Variants in ANGPT4 observed in about 807,000 individuals in gnomAD.
The protein encoded by ANGPT4 is angiopoietin 4.
ANGPT4 carries 50 observed loss-of-function variants against 53.0 expected under a neutral mutation model. The observed-to-expected ratio is 0.94, with a 90% CI of 0.75 to 1.20. The LOEUF is 1.20. Among genes scored for constraint, ANGPT4 ranks in the 50% most tolerant of loss-of-function variants. The pLI, the probability that ANGPT4 is intolerant of heterozygous loss-of-function variation, is 0.00. For synonymous variants in ANGPT4, 251 were observed against 259.7 expected (o/e 0.97, Z 0.32); for missense variants, 648 against 637.1 (o/e 1.02, Z -0.18).
rs144483842 is a variant in ANGPT4 at position 874,078 on chromosome 20, G to A, written c.1351+206C>T. Among the ~76,000 whole-genome samples, 834 of 152,332 alleles carry A rather than the reference G, an allele frequency of 5.5e-3. 7 individuals carry two copies. Among genetic ancestry groups the A allele is most frequent in the African/African-American group, 0.019 (777 of 41,572 alleles). ...AAACTGGTGGTGCCAGCTTTAGGAG[G>A]AGGTGAGACCTGGAGGGGACTTCAA... is the stretch of plus-strand genomic sequence containing the variant. On this transcript the variant is annotated intron_variant, in intron 8 of 8. Coordinates refer to ENST00000381922, the MANE Select transcript of ANGPT4 (RefSeq NM_015985.4).
chr20:881,929 C>A, intron 4 of ANGPT4, among the ~76,000 whole-genome samples: 1 of 152,152 alleles, frequency 6.6e-6, no homozygotes, highest in Non-Finnish European at 1.5e-5. Context: ...GAGGCACTTC[C>A]CATTTCACAG....
At chr20:875,988 G>C (rs1481091778) in intron 7 of ANGPT4, among the ~76,000 whole-genome samples, 2 of 151,828 alleles carry the variant, frequency 1.3e-5, no homozygotes, top group Non-Finnish European at 2.9e-5. Context: ...AAATTAGCTG[G>C]GCATGGTGGT....
intron 1 of ANGPT4, among the ~76,000 whole-genome samples, chr20:902,871 C>A (rs6055734): frequency 0.074 from 11,225 of 152,100 alleles, 516 homozygotes; most frequent in African/African-American, 0.13. Context: ...CCTTCTGGGG[C>A]CTGGAAGACT....
chr20:913,975 T>A (rs912604366), intron 1 of ANGPT4, among the ~76,000 whole-genome samples: 2 of 152,006 alleles, frequency 1.3e-5, no homozygotes, highest in Non-Finnish European at 1.5e-5. Flanking sequence ...CAGGGAGGTG[T>A]TGGGGGAGAT....
chr20:895,196 T>C (rs1568844317), intron 1 of ANGPT4, among the ~76,000 whole-genome samples: 1 of 152,334 alleles, frequency 6.6e-6, no homozygotes, highest in South Asian at 2.1e-4. Flanking sequence ...CTTGTTTTTT[T>C]GGATCTACTT....
intron 8 of ANGPT4, 77 bp downstream of exon 8, chr20:874,207 G>A: frequency 6.3e-7 from 1 of 1,583,352 alleles, no homozygotes; most frequent in Non-Finnish European, 8.6e-7. Context: ...GGGCGCACAA[G>A]AACCTGGGGA....
intron 1 of ANGPT4, among the ~76,000 whole-genome samples, chr20:899,119 C>T (rs1982174144): frequency 6.6e-6 from 1 of 152,166 alleles, no homozygotes; most frequent in Non-Finnish European, 1.5e-5. Flanking sequence ...TTAATCAATA[C>T]AGAGGCTACC....
rs547990632 is a variant in ANGPT4, at chr20:903,771, G to A, written c.309+12135C>T. Among the ~76,000 whole-genome samples the A allele has an allele frequency of 3.9e-5, 6 of 152,338 alleles. No individual in the cohort carries two copies. The East Asian group carries it at 1.2e-3, about 29-fold the overall frequency. On this transcript the variant is annotated intron_variant, in intron 1 of 8. Coordinates refer to ENST00000381922, the MANE Select transcript of ANGPT4 (RefSeq NM_015985.4). ...AAGCCCCATGGCTGGGGTGGTGCAGGGTGTGGAGATTTGAGCCCGGCCTGA... is the reference window on the plus strand; with the variant it reads ...AAGCCCCATGGCTGGGGTGGTGCAGAGTGTGGAGATTTGAGCCCGGCCTGA...
At chr20:881,063 T>C in intron 5 of ANGPT4, 108 bp downstream of exon 5, 1 of 877,744 alleles carries the variant, frequency 1.1e-6, no homozygotes, top group South Asian at 2.0e-5. Context: ...ACCTCTGGTA[T>C]TTCAGATACT....
In ANGPT4 at chr20:872,911, C is replaced by T; in HGVS notation, c.*49G>A. 2.5e-6 allele frequency: 4 copies of T among 1,606,398 alleles called. No individual in the cohort carries two copies. Among genetic ancestry groups the T allele is most frequent in the Non-Finnish European group, 1.7e-6 (2 of 1,175,782 alleles). ...TCTGGGTCCAGGTTGTCCAGGAGTG[C>T]CAAGTCCGAGCTTCTCCTGTGTGGT... On this transcript the variant is annotated 3_prime_UTR_variant, in exon 9 of 9. Transcript: ENST00000381922.
rs1981572742 is a variant in ANGPT4, at chr20:885,254, T to C, written c.659A>G (p.Lys220Arg). 6.3e-7 allele frequency: 1 copy of C among 1,583,558 alleles called. No homozygotes were observed. The highest frequency in any genetic ancestry group is 8.6e-7 in the Non-Finnish European group (1 of 1,165,010). Reference protein sequence around the residue: ...QEELASILSKKAKLLNTLSRQ... With the variant: ...QEELASILSKRAKLLNTLSRQ... ...GCTCAGCGTGTTCAGCAGCTTCGCC[T>C]TCTTGCTGAGGATGCTGGCCAGCTC... is the stretch of plus-strand genomic sequence containing the variant. Residue 220 changes from lysine to arginine, a missense_variant, in exon 4 of 9, where the codon AAG becomes AGG. Coordinates refer to ENST00000381922, the MANE Select transcript of ANGPT4 (RefSeq NM_015985.4).
In ANGPT4 at chr20:890,195, TCA is replaced by T; in HGVS notation, c.465+16_465+17del. On this transcript the variant is annotated intron_variant, in intron 2 of 8. Coordinates refer to ENST00000381922, the MANE Select transcript of ANGPT4 (RefSeq NM_015985.4). ...CCAGCCACAGGCCCTCAGTGCCCAC[TCA>T]GTCACCCTCTGTTACCTGAGCCTCC... 6.2e-7 allele frequency: 1 copy of T among 1,609,252 alleles called. No homozygotes were observed. The highest frequency in any genetic ancestry group is 8.5e-7 in the Non-Finnish European group (1 of 1,177,198).
Position 916,331 on chromosome 20 carries a change from G to T in ANGPT4, c.-117C>A. The T allele has an allele frequency of 1.8e-6, 2 of 1,109,126 alleles. No homozygotes were observed. The highest frequency in any genetic ancestry group is 2.6e-6 in the Non-Finnish European group (2 of 780,792). The allele number at this position is 1,109,126 out of a possible 1,614,324, so 68.7% of individuals were successfully genotyped here. A position where few individuals can be genotyped will look rare whatever the true frequency, so the allele number is the denominator to read the frequency against. ...CCTGCAGCTGCAGCTACAAACCTCT[G>T]TCTGGCCGAGCTCTGTCCAGGCAGC... On this transcript the variant is annotated 5_prime_UTR_variant, in exon 1 of 9. Transcript: ENST00000381922.
intron 1 of ANGPT4, among the ~76,000 whole-genome samples, chr20:898,760 A>G (rs1025270245): frequency 6.6e-6 from 1 of 152,156 alleles, no homozygotes; most frequent in Non-Finnish European, 1.5e-5. Flanking sequence ...GAACTTCAAA[A>G]CGCCTAAGCC....
At chr20:878,763 G>A (rs1600042644) in intron 6 of ANGPT4, among the ~76,000 whole-genome samples, 1 of 152,116 alleles carries the variant, frequency 6.6e-6, no homozygotes, top group South Asian at 2.1e-4. Flanking sequence ...ACACATGTAC[G>A]TTAAACCTCA....
intron 2 of ANGPT4, among the ~76,000 whole-genome samples, chr20:889,220 A>G (rs1391890713): frequency 3.1e-5 from 4 of 129,564 alleles, no homozygotes; most frequent in African/African-American, 1.2e-4. Flanking sequence ...TCTCTCTTCC[A>G]TGCTATTTTC....
chr20:892,353 T>C (rs1253653996), intron 1 of ANGPT4, among the ~76,000 whole-genome samples: 1 of 152,184 alleles, frequency 6.6e-6, no homozygotes, highest in Non-Finnish European at 1.5e-5. Flanking sequence ...CCCAGTACTT[T>C]GGAAGGCTAA....
At chr20:912,480 C>T (rs1982741427) in intron 1 of ANGPT4, among the ~76,000 whole-genome samples, 1 of 152,202 alleles carries the variant, frequency 6.6e-6, no homozygotes, top group African/African-American at 2.4e-5. Context: ...CCAACCTCCT[C>T]AATATTCCTG....
chr20:885,504 A>G (rs1413248996), intron 3 of ANGPT4, among the ~76,000 whole-genome samples, 179 bp from the exon 4 acceptor site: 1 of 152,142 alleles, frequency 6.6e-6, no homozygotes, highest in Non-Finnish European at 1.5e-5. Context: ...CCGGCCCTGG[A>G]GTAATATAGA....
Sources: allele counts gnomAD v4.1 joint callset (sites outside exome capture counted in the v4.1 genomes callset), GRCh38; gene constraint gnomAD v4.1.1; transcripts MANE v1.5; gene names NCBI Gene and HGNC (gene_info 2026-07-23, HGNC 2026-07-21).